Variants in PALLD observed in about 807,000 individuals in gnomAD.
PALLD encodes palladin.
PALLD carries 61 observed loss-of-function variants against 123.5 expected under a neutral mutation model. The observed-to-expected ratio is 0.49, with a 90% CI of 0.40 to 0.61. The LOEUF (loss-of-function observed/expected upper bound fraction) is 0.61, where lower values mean the gene tolerates loss of function less well. Ranked by LOEUF, PALLD falls within the 20% of genes least tolerant of loss-of-function variation. PALLD has a pLI of 0.00. For synonymous variants in PALLD, 465 were observed against 496.4 expected (o/e 0.94, Z 0.84); for missense variants, 1,273 against 1,377.0 (o/e 0.92, Z 1.20).
At chr4:168,588,777 T>G (rs1771104711) in intron 2 of PALLD, among the ~76,000 whole-genome samples, 1 of 152,148 alleles carries the variant, frequency 6.6e-6, no homozygotes, top group Non-Finnish European at 1.5e-5. Flanking sequence ...AATTAAAATG[T>G]TCTAAATGTA....
At chr4:168,570,773 G>A (rs1321164069) in intron 2 of PALLD, among the ~76,000 whole-genome samples, 2 of 152,118 alleles carry the variant, frequency 1.3e-5, no homozygotes, top group Non-Finnish European at 2.9e-5. Flanking sequence ...ATGTCCTGAA[G>A]TCAAATTGGG....
At chr4:168,758,476 T>A (rs1364710898) in intron 10 of PALLD, among the ~76,000 whole-genome samples, 1 of 152,186 alleles carries the variant, frequency 6.6e-6, no homozygotes, top group Non-Finnish European at 1.5e-5. Flanking sequence ...GGTGTGTGTG[T>A]TCCCCACGTT....
chr4:168,546,709 C>T (rs1033920369), intron 2 of PALLD, among the ~76,000 whole-genome samples: 3 of 152,164 alleles, frequency 2.0e-5, no homozygotes, highest in East Asian at 1.9e-4. Context: ...AATCAAACAT[C>T]GGTTTGTCAC....
chr4:168,775,775 A>C (rs1156685123), intron 10 of PALLD, among the ~76,000 whole-genome samples: 1 of 152,130 alleles, frequency 6.6e-6, no homozygotes, highest in Non-Finnish European at 1.5e-5. Flanking sequence ...TTGTTCCAGC[A>C]CCATTTGTTG....
chr4:168,589,744 C>A (rs147981874), intron 2 of PALLD, among the ~76,000 whole-genome samples: 2 of 152,164 alleles, frequency 1.3e-5, no homozygotes, highest in Non-Finnish European at 2.9e-5. Context: ...GAGCCTCACT[C>A]GCAACTGAAA....
chr4:168,745,078 T>C lies in PALLD; in HGVS notation c.1964+33155T>C, dbSNP rs531573277. ...TCTTTAGTTCAGCTATGACCTTGAA[T>C]AAGTCACTTAGACTCTTTAAGCTTT... On this transcript the variant is annotated intron_variant, in intron 10 of 21. Coordinates refer to ENST00000505667, the MANE Select transcript of PALLD (RefSeq NM_001166108.2). 1.6e-4 allele frequency among the ~76,000 whole-genome samples: 24 copies of C among 152,318 alleles called. 1 individual carries two copies. The South Asian group carries it at 4.8e-3, about 30-fold the overall frequency.
At chr4:168,789,008 C>T (rs1014348071) in intron 10 of PALLD, among the ~76,000 whole-genome samples, 2 of 152,132 alleles carry the variant, frequency 1.3e-5, no homozygotes, top group African/African-American at 4.8e-5. Context: ...TCCTGACTTT[C>T]GTGATAAAAT....
chr4:168,783,326 A>T (rs1360858062), intron 10 of PALLD, among the ~76,000 whole-genome samples: 1 of 152,204 alleles, frequency 6.6e-6, no homozygotes, highest in Non-Finnish European at 1.5e-5. Context: ...GAGCTAAGCA[A>T]TAATATTGCA....
intron 3 of PALLD, among the ~76,000 whole-genome samples, chr4:168,673,135 G>A (rs1366309216): frequency 5.3e-5 from 8 of 152,194 alleles, no homozygotes; most frequent in South Asian, 2.1e-4. Context: ...AAGGGAGGCC[G>A]TGGTTCACCC....
chr4:168,520,346 AAAG>A (rs1422991587), intron 2 of PALLD, among the ~76,000 whole-genome samples: 2 of 110,036 alleles, frequency 1.8e-5, no homozygotes, highest in African/African-American at 8.1e-5. Context: ...AAAAAAAAAA[AAAG>A]AGAGAGAGAG....
intron 2 of PALLD, among the ~76,000 whole-genome samples, chr4:168,526,662 A>G (rs2149469942): frequency 6.6e-6 from 1 of 152,262 alleles, no homozygotes; most frequent in South Asian, 2.1e-4. Flanking sequence ...TCTGTGCTCA[A>G]AGCCAATGGA....
Position 168,611,173 on chromosome 4 carries a change from G to A in PALLD, c.909-57017G>A, listed in dbSNP as rs139735875. On this transcript the variant is annotated intron_variant, in intron 2 of 21. Coordinates refer to ENST00000505667, the MANE Select transcript of PALLD (RefSeq NM_001166108.2). ...GCAAACGGAGTTGTTTTCTGGTTCTGGGGTCTACTCCAAGAGCCTGCGCCA... is the reference window on the plus strand; with the variant it reads ...GCAAACGGAGTTGTTTTCTGGTTCTAGGGTCTACTCCAAGAGCCTGCGCCA... Among the ~76,000 whole-genome samples, 555 of 152,216 alleles carry A rather than the reference G, an allele frequency of 3.6e-3. 3 individuals are homozygous for A. Among genetic ancestry groups the A allele is most frequent in the African/African-American group, 0.013 (520 of 41,534 alleles).
chr4:168,912,942 G>A (rs1006252519), intron 15 of PALLD, among the ~76,000 whole-genome samples: 2 of 151,794 alleles, frequency 1.3e-5, no homozygotes, highest in African/African-American at 4.8e-5. Flanking sequence ...AATTACATAG[G>A]CCCTTATCAT....
At chr4:168,530,728 A>ACATCTCAGG (rs1554036470) in intron 2 of PALLD, 14 of 151,740 alleles carry the variant, frequency 9.2e-5, no homozygotes, top group African/African-American at 3.4e-4. Flanking sequence ...TGAGGAACTT[A>ACATCTCAGG]CATCACAGGC....
intron 3 of PALLD, among the ~76,000 whole-genome samples, chr4:168,679,857 G>A (rs1781367209): frequency 6.6e-6 from 1 of 152,020 alleles, no homozygotes; most frequent in African/African-American, 2.4e-5. Flanking sequence ...GGAGGAGATG[G>A]GAAGACAAGA....
intron 2 of PALLD, chr4:168,598,367 A>G: frequency 5.1e-6 from 3 of 589,204 alleles, no homozygotes; most frequent in South Asian, 3.0e-5. Context: ...CTGTTTGGCT[A>G]ACTTCCTGAG....
At chr4:168,721,109 A>G (rs1785967977) in intron 10 of PALLD, among the ~76,000 whole-genome samples, 2 of 152,212 alleles carry the variant, frequency 1.3e-5, no homozygotes, top group Non-Finnish European at 2.9e-5. Context: ...TTGAAGTGGC[A>G]CTCAATCATC....
chr4:168,720,847 T>G (rs1333186247), intron 10 of PALLD, among the ~76,000 whole-genome samples: 3 of 152,218 alleles, frequency 2.0e-5, no homozygotes, highest in African/African-American at 7.2e-5. Flanking sequence ...CTTCCTGAAG[T>G]ATAAAACTTT....
intron 14 of PALLD, among the ~76,000 whole-genome samples, chr4:168,900,220 G>A (rs559249667): frequency 4.6e-5 from 7 of 152,204 alleles, no homozygotes; most frequent in East Asian, 1.9e-4. Flanking sequence ...GTCACCTCCC[G>A]CCAGGCCCCA....
Sources: gnomAD v4.1 joint callset for allele counts (sites outside exome capture counted in the v4.1 genomes callset) on GRCh38, gnomAD v4.1.1 for gene constraint, MANE v1.5 for transcripts, NCBI Gene and HGNC (gene_info 2026-07-23, HGNC 2026-07-21) for gene names.